GSDMC: variants seen among roughly 807,000 people sequenced by gnomAD.
GSDMC encodes gasdermin-C.
In GSDMC, 59 loss-of-function variants were observed where a neutral mutation model predicts 58.0. The ratio of observed to expected loss-of-function variants is 1.02; its 90% CI spans 0.82 to 1.26. The LOEUF is 1.26. GSDMC is among the 50% of genes most tolerant of loss of function. The pLI, the probability that GSDMC is intolerant of heterozygous loss-of-function variation, is 0.00. For synonymous variants in GSDMC, 241 were observed against 220.2 expected (o/e 1.09, Z -0.83); for missense variants, 659 against 598.5 (o/e 1.10, Z -1.06).
intron 3 of GSDMC, among the ~76,000 whole-genome samples, chr8:129,774,272 A>G (rs2034152044): frequency 6.6e-6 from 1 of 152,184 alleles, no homozygotes; most frequent in Non-Finnish European, 1.5e-5. Context: ...CTAATATCTG[A>G]CAAGCGTGAC....
chr8:129,748,567 T>G lies in GSDMC; in HGVS notation c.1461A>C (p.Glu487Asp). The change falls in exon 14 of 14, where the codon GAA becomes GAC. Residue 487 changes from glutamate (E) to aspartate (D), a missense_variant. By Grantham distance (45) the Glu-to-Asp change is conservative. Transcript: ENST00000276708. Reference sequence around the variant, plus strand: ...AGAGGGCAGACAGGGGCATCTTTGCTTCTACATCCCAGGTTGACCTGGGGT... The same window carrying G: ...AGAGGGCAGACAGGGGCATCTTTGCGTCTACATCCCAGGTTGACCTGGGGT... ...LDNPRSTWDV[E>D]AKMPLSALYG... 1.9e-6 allele frequency: 3 copies of G among 1,613,856 alleles called. No homozygotes were observed. Among genetic ancestry groups the G allele is most frequent in the Non-Finnish European group, 2.5e-6 (3 of 1,179,840 alleles).
At chr8:129,706,308 AGTCATTCT>A in the GSDMC span, among the ~76,000 whole-genome samples, 1 of 152,244 alleles carries the variant, frequency 6.6e-6, no homozygotes, top group East Asian at 1.9e-4. Flanking sequence ...CCACTATTGC[AGTCATTCT>A]GCAAAAACAA....
rs1374390229 is a variant in GSDMC, at chr8:129,779,810, C to G, written c.-4-2219G>C. On this transcript the variant is annotated intron_variant, in intron 1 of 13. Coordinates refer to ENST00000276708, the MANE Select transcript of GSDMC (RefSeq NM_031415.3). ...GCACCAGGGACCAATCCCAGAGAGA[C>G]AGAAATATGTAATCATTCAAACAAA... Among the ~76,000 whole-genome samples the G allele has an allele frequency of 5.3e-5, 8 of 151,962 alleles. No homozygotes were observed. In the East Asian group the frequency reaches 1.3e-3, roughly 26 times the overall value.
the GSDMC span, among the ~76,000 whole-genome samples, chr8:129,730,600 C>A: frequency 2.6e-5 from 4 of 152,208 alleles, no homozygotes; most frequent in African/African-American, 9.7e-5. Flanking sequence ...TTACACAGAT[C>A]TCTTTCAATG....
chr8:129,707,430 T>A, the GSDMC span, among the ~76,000 whole-genome samples: 49 of 152,146 alleles, frequency 3.2e-4, no homozygotes, highest in African/African-American at 1.2e-3. Flanking sequence ...ATGGTGAGGG[T>A]TTTGTATTTG....
At chr8:129,774,950 C>G (rs1476240632) in intron 3 of GSDMC, among the ~76,000 whole-genome samples, 1 of 152,106 alleles carries the variant, frequency 6.6e-6, no homozygotes, top group Non-Finnish European at 1.5e-5. Context: ...TAAAGGAAAT[C>G]CTTGTATGCT....
chr8:129,749,538 G>C lies in GSDMC; in HGVS notation c.1214-13C>G. ...AAGTCACTCAGCACTGAGGGTGGGG[G>C]ACATGTGGGGAAAGACAGTAGTGAA... On this transcript the variant is annotated splice_polypyrimidine_tract_variant and intron_variant, in intron 12 of 13. Coordinates refer to ENST00000276708, the MANE Select transcript of GSDMC (RefSeq NM_031415.3). The C allele has an allele frequency of 6.2e-7, 1 of 1,604,498 alleles. No homozygotes were observed. The highest frequency in any genetic ancestry group is 8.5e-7 in the Non-Finnish European group (1 of 1,171,406).
At chr8:129,770,467 G>A (rs2034011363) in intron 3 of GSDMC, among the ~76,000 whole-genome samples, 1 of 152,190 alleles carries the variant, frequency 6.6e-6, no homozygotes, top group African/African-American at 2.4e-5. Flanking sequence ...CTGCACTCCA[G>A]CCTAGGCAAC....
At chr8:129,754,399 C>G (rs1375112103) in intron 6 of GSDMC, among the ~76,000 whole-genome samples, 3 of 152,194 alleles carry the variant, frequency 2.0e-5, no homozygotes, top group Admixed American at 1.3e-4. Flanking sequence ...TGCAAGACCA[C>G]CAAAGCAGAA....
chr8:129,782,656 C>T (rs1161770989), intron 1 of GSDMC, among the ~76,000 whole-genome samples: 1 of 152,008 alleles, frequency 6.6e-6, no homozygotes, highest in Non-Finnish European at 1.5e-5. Context: ...AAGATTGAAC[C>T]TTGAAGAAAT....
chr8:129,753,709 C>G (rs1017070008), intron 6 of GSDMC, among the ~76,000 whole-genome samples: 12 of 152,192 alleles, frequency 7.9e-5, no homozygotes, highest in Non-Finnish European at 1.3e-4. Context: ...GCCCTCAAGA[C>G]CAGGCCTAGG....
chr8:129,761,923 G>T (rs944222710), intron 5 of GSDMC, among the ~76,000 whole-genome samples: 1 of 152,208 alleles, frequency 6.6e-6, no homozygotes, highest in East Asian at 1.9e-4. Flanking sequence ...GAGTGTGAGA[G>T]TGAGTGTGGG....
At chr8:129,761,877 C>T (rs1355144408) in intron 5 of GSDMC, among the ~76,000 whole-genome samples, 8 of 152,256 alleles carry the variant, frequency 5.3e-5, no homozygotes, top group Non-Finnish European at 4.4e-5. Flanking sequence ...AGGACACTCC[C>T]GTGACCATGT....
the GSDMC span, among the ~76,000 whole-genome samples, chr8:129,715,743 GA>G: frequency 1.3e-5 from 2 of 152,086 alleles, no homozygotes; most frequent in African/African-American, 4.8e-5. Flanking sequence ...CTACGCAGTT[GA>G]AAAAATACCC....
the GSDMC span, among the ~76,000 whole-genome samples, chr8:129,733,306 C>T: frequency 6.6e-6 from 1 of 152,230 alleles, no homozygotes; most frequent in East Asian, 1.9e-4. Context: ...CTTAACAGAG[C>T]AGTGGTTCTC....
chr8:129,722,330 G>A, the GSDMC span, among the ~76,000 whole-genome samples: 1 of 152,182 alleles, frequency 6.6e-6, no homozygotes, highest in Non-Finnish European at 1.5e-5. Context: ...ATGTGGGTGA[G>A]TGAAGGAGTT....
At chr8:129,781,075 C>T (rs1462129334) in intron 1 of GSDMC, among the ~76,000 whole-genome samples, 1 of 151,742 alleles carries the variant, frequency 6.6e-6, no homozygotes, top group East Asian at 1.9e-4. Flanking sequence ...TTGAAATATA[C>T]CATCAGTGAA....
downstream of GSDMC, among the ~76,000 whole-genome samples, chr8:129,745,995 A>T (rs891336846): frequency 1.4e-5 from 2 of 145,220 alleles, no homozygotes; most frequent in African/African-American, 4.9e-5. Context: ...AAAAGAGTTG[A>T]GAAAAACTCA....
chr8:129,741,027 T>C, the GSDMC span, among the ~76,000 whole-genome samples: 3 of 152,138 alleles, frequency 2.0e-5, no homozygotes, highest in Non-Finnish European at 4.4e-5. Context: ...TTTTATGGTG[T>C]GAGTATAAAG....
Sources: allele counts gnomAD v4.1 joint callset (sites outside exome capture counted in the v4.1 genomes callset), GRCh38; gene constraint gnomAD v4.1.1; transcripts MANE v1.5; gene names NCBI Gene and HGNC (gene_info 2026-07-23, HGNC 2026-07-21).